The following PPP2R2B variants were observed in gnomAD, a reference collection of about 807,000 sequenced individuals.
The protein encoded by PPP2R2B is serine/threonine-protein phosphatase 2A 55 kDa regulatory subunit B beta isoform.
PPP2R2B carries 5 observed loss-of-function variants against 46.0 expected under a neutral mutation model. The ratio of observed to expected loss-of-function variants is 0.11; its 90% confidence interval spans 0.06 to 0.23. The LOEUF (loss-of-function observed/expected upper bound fraction) is 0.23. PPP2R2B is among the 10% of genes least tolerant of loss of function. The pLI, the probability that PPP2R2B is intolerant of heterozygous loss-of-function variation, is 1.00. For synonymous variants in PPP2R2B, 215 were observed against 206.7 expected (o/e 1.04, Z -0.34); for missense variants, 367 against 575.0 (o/e 0.64, Z 3.70).
At chr5:146,591,541 A>G (rs1257707986) in intron 9 of PPP2R2B, among the ~76,000 whole-genome samples, 3 of 151,884 alleles carry the variant, frequency 2.0e-5, no homozygotes, top group African/African-American at 7.3e-5. Flanking sequence ...GGTAAAGTCC[A>G]CCCTCAAACC....
At position 146,638,244 on chromosome 5, in the gene PPP2R2B, T is replaced by A. The variant is rs1774953165; in HGVS notation, c.790+7A>T. ...ATGCCCCCCACCTCCCTTCAGTTGC[T>A]ACTCACATTTGGTGTGCCTGTCACA... On this transcript the variant is annotated splice_region_variant and intron_variant, in intron 7 of 9. Coordinates refer to ENST00000394411, the MANE Select transcript of PPP2R2B (RefSeq NM_181675.4). 2 of 1,611,762 alleles carry A rather than the reference T, an allele frequency of 1.2e-6. No homozygotes were observed. The highest frequency in any genetic ancestry group is 1.7e-6 in the Non-Finnish European group (2 of 1,178,382).
At chr5:146,662,369 T>G (rs947813264) in intron 5 of PPP2R2B, among the ~76,000 whole-genome samples, 1 of 152,198 alleles carries the variant, frequency 6.6e-6, no homozygotes, top group African/African-American at 2.4e-5. Context: ...CTAGCAACAC[T>G]TTGATTTAGA....
intron 2 of PPP2R2B, among the ~76,000 whole-genome samples, chr5:146,721,721 G>T (rs1439265005): frequency 2.6e-5 from 4 of 152,198 alleles, no homozygotes; most frequent in Admixed American, 6.5e-5. Flanking sequence ...AAAACATTCA[G>T]AGAGAAGCAC....
intron 1 of PPP2R2B, among the ~76,000 whole-genome samples, chr5:146,894,521 C>A (rs1489302935): frequency 6.6e-6 from 1 of 152,172 alleles, no homozygotes; most frequent in South Asian, 2.1e-4. Context: ...CTCACTGAAG[C>A]CTTGACCTCA....
chr5:146,749,181 T>G (rs945762370), intron 2 of PPP2R2B, among the ~76,000 whole-genome samples: 1 of 152,372 alleles, frequency 6.6e-6, no homozygotes, highest in Admixed American at 6.5e-5. Context: ...TTTGCTGTGC[T>G]TATTGGTCAT....
At chr5:146,887,475 C>T (rs319196) in intron 1 of PPP2R2B, among the ~76,000 whole-genome samples, 72,010 of 151,820 alleles carry the variant, frequency 0.47, 18,420 homozygotes, top group East Asian at 0.72. Context: ...AAACTGAAGA[C>T]GAAAATATAT....
intron 2 of PPP2R2B, among the ~76,000 whole-genome samples, chr5:146,875,877 G>A (rs1761869154): frequency 6.6e-6 from 1 of 152,182 alleles, no homozygotes. Flanking sequence ...TTCATTGGAA[G>A]AACAGGGACT....
intron 2 of PPP2R2B, among the ~76,000 whole-genome samples, chr5:146,763,451 T>C (rs1754286805): frequency 1.3e-5 from 2 of 152,172 alleles, no homozygotes; most frequent in Non-Finnish European, 2.9e-5. Flanking sequence ...GTGGTATGAC[T>C]CTTTTGGCAA....
chr5:146,966,811 C>T (rs1029403553), intron 1 of PPP2R2B, among the ~76,000 whole-genome samples: 26 of 152,018 alleles, frequency 1.7e-4, no homozygotes, highest in African/African-American at 5.8e-4. Context: ...CTACTTTTTG[C>T]CGGGCACAGA....
chr5:146,651,650 C>A (rs969439410), intron 5 of PPP2R2B, among the ~76,000 whole-genome samples: 2 of 152,088 alleles, frequency 1.3e-5, no homozygotes, highest in Admixed American at 6.5e-5. Context: ...CCAAGACAGA[C>A]AAAACCCCAC....
At chr5:147,040,956 C>G (rs774601070) in intron 1 of PPP2R2B, among the ~76,000 whole-genome samples, 1 of 152,130 alleles carries the variant, frequency 6.6e-6, no homozygotes, top group Non-Finnish European at 1.5e-5. Context: ...TATAGTGTAT[C>G]CTTGAGGTGT....
At chr5:146,707,491 G>T in intron 2 of PPP2R2B, 4 of 740,872 alleles carry the variant, frequency 5.4e-6, no homozygotes, top group South Asian at 4.2e-5. Context: ...CTCAGGAGAA[G>T]CTCAAGGAGC....
At chr5:146,768,682 C>T (rs1582059871) in intron 2 of PPP2R2B, among the ~76,000 whole-genome samples, 2 of 152,326 alleles carry the variant, frequency 1.3e-5, no homozygotes, top group East Asian at 1.9e-4. Context: ...GCTGGGCCCA[C>T]ACCATCTGAC....
rs201055877 is a variant in PPP2R2B, at chr5:146,831,177, TA to T, written c.70+46824del. On this transcript the variant is annotated intron_variant, in intron 2 of 9. Coordinates refer to ENST00000394411, the MANE Select transcript of PPP2R2B (RefSeq NM_181675.4). ...TTTCAGAGTGTACTCCTTCTGCTTA[TA>T]AAAAAAAAGTTAACCTTTATTAAAA... 5.3e-5 allele frequency among the ~76,000 whole-genome samples: 8 copies of T among 151,214 alleles called. No individual in the cohort carries two copies. In the South Asian group the frequency reaches 1.3e-3, roughly 24 times the overall value.
At chr5:146,607,626 T>C (rs1158927160) in intron 7 of PPP2R2B, 5 of 152,224 alleles carry the variant, frequency 3.3e-5, no homozygotes, top group African/African-American at 1.2e-4. Flanking sequence ...TTTTACAACA[T>C]GTCTTTTAAC....
At position 147,073,016 on chromosome 5, in the gene PPP2R2B, T is replaced by C. The variant is rs111822303; in HGVS notation, c.50+8043A>G. ...TTTCCACAATCACACTGGATTGTCA[T>C]TAAAAACCATGTGGTGATGTCCTCA... On this transcript the variant is annotated intron_variant, in intron 2 of 10. Coordinates refer to the PPP2R2B transcript ENST00000394413. Among the ~76,000 whole-genome samples the C allele has an allele frequency of 7.5e-3, 1,135 of 152,286 alleles. 12 individuals carry two copies. The highest frequency in any genetic ancestry group is 0.026 in the African/African-American group (1,084 of 41,560).
At chr5:146,808,641 C>A (rs1011390863) in intron 2 of PPP2R2B, among the ~76,000 whole-genome samples, 4 of 152,160 alleles carry the variant, frequency 2.6e-5, no homozygotes, top group African/African-American at 7.2e-5. Context: ...GCGTGTGTTG[C>A]CAGCCTTGCC....
chr5:147,000,022 C>A (rs1006009882), intron 1 of PPP2R2B, among the ~76,000 whole-genome samples: 3 of 152,094 alleles, frequency 2.0e-5, no homozygotes, highest in African/African-American at 7.2e-5. Context: ...AAAAAAAATT[C>A]TCAGGTGCTA....
intron 8 of PPP2R2B, among the ~76,000 whole-genome samples, chr5:146,595,450 CAT>C (rs935812753): frequency 3.9e-5 from 6 of 152,326 alleles, no homozygotes; most frequent in South Asian, 4.1e-4. Context: ...AGTGTCAAAA[CAT>C]GTGTGCTTTG....
Sources: allele counts gnomAD v4.1 joint callset (sites outside exome capture counted in the v4.1 genomes callset), GRCh38; gene constraint gnomAD v4.1.1; transcripts MANE v1.5; gene names NCBI Gene and HGNC (gene_info 2026-07-23, HGNC 2026-07-21).